Variants in GTF3C1 observed in about 807,000 individuals in gnomAD.
The protein encoded by GTF3C1 is general transcription factor 3C polypeptide 1.
GTF3C1 carries 57 observed loss-of-function variants against 226.7 expected under a neutral mutation model. The observed-to-expected ratio is 0.25, with a 90% CI of 0.20 to 0.31. The LOEUF (loss-of-function observed/expected upper bound fraction) is 0.31. Among genes scored for constraint, GTF3C1 ranks in the 10% least tolerant of loss-of-function variants. The pLI, the probability that GTF3C1 is intolerant of heterozygous loss-of-function variation, is 1.00. For missense variants in GTF3C1, 2,217 were observed against 2,776.1 expected (o/e 0.80, Z 4.53); for synonymous variants, 1,090 against 1,084.8 (o/e 1.00, Z -0.09).
intron 2 of GTF3C1, among the ~76,000 whole-genome samples, chr16:27,544,952 A>C (rs2089141234): frequency 6.8e-6 from 1 of 146,586 alleles, no homozygotes; most frequent in South Asian, 2.2e-4. Flanking sequence ...AAGCACTCAG[A>C]TTCCCAGGAA....
intron 12 of GTF3C1, among the ~76,000 whole-genome samples, chr16:27,500,143 G>A (rs1306989735): frequency 1.3e-5 from 2 of 152,126 alleles, no homozygotes; most frequent in Non-Finnish European, 2.9e-5. Context: ...GGGGGTTCCT[G>A]TCTTCAGTGA....
chr16:27,476,325 T>C (rs1450621223), intron 29 of GTF3C1, 126 bp downstream of exon 29: 18 of 612,830 alleles, frequency 2.9e-5, no homozygotes, highest in Non-Finnish European at 5.3e-5. Flanking sequence ...GAAAGACATG[T>C]GGGCTGGCAT....
intron 21 of GTF3C1, 48 bp from the exon 22 acceptor site, chr16:27,488,683 CCCCAGCCG>C (rs1252626269): frequency 1.5e-5 from 22 of 1,454,670 alleles, no homozygotes; most frequent in Non-Finnish European, 2.0e-5. Context: ...TTCCACAAAT[CCCCAGCCG>C]CCCAGAGTAA....
rs950354979 is a variant in GTF3C1 at position 27,471,058 on chromosome 16, T to G, written c.4527-663A>C. On this transcript the variant is annotated intron_variant, in intron 30 of 36. Transcript: ENST00000356183. The surrounding 1 kb of genome is among the most constrained non-coding windows in gnomAD (Gnocchi z 5.0). Reference sequence around the variant, plus strand: ...GGGTCAGGGTCTGGGGAGGAGGAAGTGTCTGCCGTCGTGGGGAAGGGATGG... The same window carrying G: ...GGGTCAGGGTCTGGGGAGGAGGAAGGGTCTGCCGTCGTGGGGAAGGGATGG... Among the ~76,000 whole-genome samples the G allele has an allele frequency of 1.3e-5, 2 of 152,204 alleles. No homozygotes were observed. Among genetic ancestry groups the G allele is most frequent in the Admixed American group, 6.5e-5 (1 of 15,286 alleles).
chr16:27,533,266 C>T (rs1212137678), intron 5 of GTF3C1, 25 bp downstream of exon 5: 7 of 1,239,118 alleles, frequency 5.6e-6, no homozygotes, highest in Non-Finnish European at 8.4e-6. Flanking sequence ...CACCCAGCCC[C>T]GCCCGTGGGA....
chr16:27,463,776 GACTGCCGC>G lies in GTF3C1; in HGVS notation c.5873-192_5873-185del. On this transcript the variant is annotated intron_variant, in intron 34 of 36. Transcript: ENST00000356183. This position sits in a 1 kb window ranked among gnomAD's most constrained non-coding sequence, Gnocchi z 4.9. ...ACCCTGGAGGTGGCAGGGCCGGGCA[GACTGCCGC>G]ACACAGCGCCACATGCAAGCAGCGT... The G allele has an allele frequency of 1.6e-6, 1 of 643,366 alleles. No homozygotes were observed. The highest frequency in any genetic ancestry group is 2.8e-6 in the Non-Finnish European group (1 of 361,348). The allele number at this position is 643,366 out of a possible 1,614,324, so 39.9% of individuals were successfully genotyped here.
At chr16:27,514,134 A>G (rs2088618447) in intron 6 of GTF3C1, among the ~76,000 whole-genome samples, 1 of 152,144 alleles carries the variant, frequency 6.6e-6, no homozygotes, top group Non-Finnish European at 1.5e-5. Flanking sequence ...CCAGGCACCA[A>G]CCTTGTGTTG....
intron 7 of GTF3C1, among the ~76,000 whole-genome samples, chr16:27,508,902 G>A (rs1596642503): frequency 6.6e-6 from 1 of 152,058 alleles, no homozygotes; most frequent in Non-Finnish European, 1.5e-5. Context: ...ATGGCCCCAC[G>A]TTAAAACACT....
At chr16:27,529,587 C>A (rs1233736466) in intron 5 of GTF3C1, among the ~76,000 whole-genome samples, 1 of 152,112 alleles carries the variant, frequency 6.6e-6, no homozygotes, top group African/African-American at 2.4e-5. Flanking sequence ...CAGGGGTGAC[C>A]AACAGCAGCC....
At chr16:27,484,811 T>C (rs2088110636) in intron 24 of GTF3C1, among the ~76,000 whole-genome samples, 1 of 152,238 alleles carries the variant, frequency 6.6e-6, no homozygotes, top group Admixed American at 6.5e-5. Context: ...GAGAACATCT[T>C]GGTCAATAAC....
At position 27,475,338 on chromosome 16, in the gene GTF3C1, C is replaced by T. The variant is rs146627847; in HGVS notation, c.4353+1113G>A. ...GTCCTCACCCATCTGAATTCATCGG[C>T]GGGATTAGGAAAGTCCCTTTGTTTT... On this transcript the variant is annotated intron_variant, in intron 29 of 36. Transcript: ENST00000356183. 3.0e-3 allele frequency among the ~76,000 whole-genome samples: 459 copies of T among 152,292 alleles called. 2 individuals carry two copies. The highest frequency in any genetic ancestry group is 7.7e-3 in the African/African-American group (321 of 41,542).
intron 32 of GTF3C1, chr16:27,465,791 C>T: frequency 1.9e-6 from 1 of 532,898 alleles, no homozygotes; most frequent in Non-Finnish European, 3.4e-6. Context: ...CACTGTGATT[C>T]TCCTGCTCAA....
At chr16:27,529,183 C>T (rs547743911) in intron 5 of GTF3C1, among the ~76,000 whole-genome samples, 30 of 152,246 alleles carry the variant, frequency 2.0e-4, no homozygotes, top group Admixed American at 5.9e-4. Context: ...GTGGCTGACA[C>T]CTGTAATCCC....
chr16:27,487,480 A>G (rs1338042751), intron 23 of GTF3C1, among the ~76,000 whole-genome samples: 1 of 152,248 alleles, frequency 6.6e-6, no homozygotes, highest in Non-Finnish European at 1.5e-5. Context: ...GGCACCGCAC[A>G]AGGGGTGCAT....
At position 27,469,692 on chromosome 16, in the gene GTF3C1, G is replaced by A. The variant is rs993746901; in HGVS notation, c.4815-142C>T. On this transcript the variant is annotated intron_variant, in intron 31 of 36. Coordinates refer to ENST00000356183, the MANE Select transcript of GTF3C1 (RefSeq NM_001520.4). The surrounding 1 kb of genome is among the most constrained non-coding windows in gnomAD (Gnocchi z 4.5). ...GCTATGCTTCATTACCAAGGCTGGT[G>A]TGGATGGCTGCCCCAGATCCATCCC... is the stretch of plus-strand genomic sequence containing the variant. The A allele has an allele frequency of 2.2e-5, 20 of 894,130 alleles. No homozygotes were observed. The African/African-American group carries it at 2.8e-4, about 13-fold the overall frequency. The allele number at this position is 894,130 out of a possible 1,614,324, so 55.4% of individuals were successfully genotyped here.
Position 27,464,285 on chromosome 16 carries a change from G to A in GTF3C1, c.5872+35C>T, listed in dbSNP as rs76894755. The A allele has an allele frequency of 2.4e-3, 3,373 of 1,382,218 alleles. 81 individuals carry two copies. The African/African-American group carries it at 0.042, about 17-fold the overall frequency. The allele number at this position is 1,382,218 out of a possible 1,614,324, so 85.6% of individuals were successfully genotyped here. ...GCGGAGGGGAGGGAAAGCCAGGGTG[G>A]GGTGAGGTGGGGTGGGGGACAAGGC... On this transcript the variant is annotated intron_variant, in intron 34 of 36. Coordinates refer to ENST00000356183, the MANE Select transcript of GTF3C1 (RefSeq NM_001520.4).
chr16:27,477,157 T>C (rs1393192760), intron 28 of GTF3C1, among the ~76,000 whole-genome samples: 2 of 152,168 alleles, frequency 1.3e-5, no homozygotes, highest in African/African-American at 4.8e-5. Context: ...CACTTATACA[T>C]AGATTTTCTT....
chr16:27,473,710 G>A (rs2087910474), intron 29 of GTF3C1, among the ~76,000 whole-genome samples: 1 of 152,230 alleles, frequency 6.6e-6, no homozygotes, highest in Non-Finnish European at 1.5e-5. Context: ...GCACCCAGGT[G>A]TTCCCTGGAG....
chr16:27,482,019 G>C (rs2088056735), intron 26 of GTF3C1, among the ~76,000 whole-genome samples: 1 of 152,224 alleles, frequency 6.6e-6, no homozygotes, highest in Admixed American at 6.5e-5. Context: ...ACTCATGGCA[G>C]CCTGAGTCCC....
Sources: allele counts gnomAD v4.1 joint callset (sites outside exome capture counted in the v4.1 genomes callset), GRCh38; gene constraint gnomAD v4.1.1; non-coding constraint Gnocchi (gnomAD v3.1); transcripts MANE v1.5; gene names NCBI Gene and HGNC (gene_info 2026-07-23, HGNC 2026-07-21).